Variants in SIK3 observed in about 807,000 individuals in gnomAD.
The protein encoded by SIK3 is serine/threonine-protein kinase SIK3.
SIK3 carries 28 observed loss-of-function variants against 144.2 expected under a neutral mutation model. That is an observed-to-expected ratio of 0.19 (90% CI 0.14 to 0.27). The LOEUF is 0.27. Among genes scored for constraint, SIK3 ranks in the 10% least tolerant of loss-of-function variants. The pLI, the probability that SIK3 is intolerant of heterozygous loss-of-function variation, is 1.00. For synonymous variants in SIK3, 686 were observed against 676.3 expected (o/e 1.01, Z -0.22); for missense variants, 1,319 against 1,776.0 (o/e 0.74, Z 4.62).
At chr11:116,932,973 G>A (rs1490429055) in intron 3 of SIK3, among the ~76,000 whole-genome samples, 1 of 151,948 alleles carries the variant, frequency 6.6e-6, no homozygotes, top group Admixed American at 6.6e-5. Flanking sequence ...GTTTCACCAA[G>A]TTGACCAAGC....
At chr11:116,903,383 G>A (rs1945840052) in intron 4 of SIK3, among the ~76,000 whole-genome samples, 1 of 152,118 alleles carries the variant, frequency 6.6e-6, no homozygotes, top group African/African-American at 2.4e-5. Flanking sequence ...ATGGAGGTGG[G>A]GAACAGATAG....
In SIK3 at chr11:116,921,010, C is replaced by T. The variant is rs140515304; in HGVS notation, c.616+6209G>A. ...AGCTGTTAAGGATACTATCATCCAG[C>T]GATGCCGGCTCCATGCTGAGTGAGC... is the stretch of plus-strand genomic sequence containing the variant. On this transcript the variant is annotated intron_variant, in intron 4 of 24. Coordinates refer to ENST00000445177, the MANE Select transcript of SIK3 (RefSeq NM_001366686.3). Among the ~76,000 whole-genome samples the T allele has an allele frequency of 3.6e-3, 554 of 152,310 alleles. 3 individuals carry two copies. Among genetic ancestry groups the T allele is most frequent in the African/African-American group, 0.013 (531 of 41,570 alleles).
At chr11:116,964,797 G>T (rs539379487) in intron 1 of SIK3, among the ~76,000 whole-genome samples, 1 of 152,070 alleles carries the variant, frequency 6.6e-6, no homozygotes, top group South Asian at 2.1e-4. Flanking sequence ...AGGGAGAATC[G>T]CTTGAACCCA....
rs1234587781 is a variant in SIK3 at position 117,026,290 on chromosome 11, G to A, written c.274-69226C>T. ...CAGACCATACCACATAGCCCTAGGTGGGTAGTAGGCTATACCATCTAGGTC... is the reference window on the plus strand; with the variant it reads ...CAGACCATACCACATAGCCCTAGGTAGGTAGTAGGCTATACCATCTAGGTC... On this transcript the variant is annotated intron_variant, in intron 1 of 24. Coordinates refer to ENST00000445177, the MANE Select transcript of SIK3 (RefSeq NM_001366686.3). Among the ~76,000 whole-genome samples the A allele has an allele frequency of 3.3e-5, 5 of 152,130 alleles. No individual in the cohort carries two copies. The East Asian group carries it at 9.6e-4, about 29-fold the overall frequency.
intron 1 of SIK3, among the ~76,000 whole-genome samples, chr11:116,971,118 T>C (rs985101659): frequency 1.3e-5 from 2 of 152,254 alleles, no homozygotes; most frequent in African/African-American, 4.8e-5. Flanking sequence ...CCTTGGCATT[T>C]GCTAATATTT....
rs770150766 is a variant in SIK3, at chr11:116,859,279, A to G, written c.2751T>C (p.Ser917=). The change falls in exon 20 of 25, where the codon AGT becomes AGC. Residue 917 remains serine (S), a synonymous_variant. Coordinates refer to ENST00000445177, the MANE Select transcript of SIK3 (RefSeq NM_001366686.3). ...GGCGGTCTTACCTGTGAGCCTCTGCACTGTCAGCACTCAGCTGCTTGGACA... is the reference window on the plus strand; with the variant it reads ...GGCGGTCTTACCTGTGAGCCTCTGCGCTGTCAGCACTCAGCTGCTTGGACA... ...RPLSKQLSAD[S]AEAHSLNVNR... 1.6e-5 allele frequency: 26 copies of G among 1,608,098 alleles called. No individual in the cohort carries two copies. Among genetic ancestry groups the G allele is most frequent in the African/African-American group, 2.7e-5 (2 of 74,804 alleles).
At chr11:117,085,787 C>T (rs1954977705) in intron 1 of SIK3, among the ~76,000 whole-genome samples, 1 of 152,050 alleles carries the variant, frequency 6.6e-6, no homozygotes, top group African/African-American at 2.4e-5. Flanking sequence ...GAATTCGAGA[C>T]CATCCTGGCC....
intron 1 of SIK3, among the ~76,000 whole-genome samples, chr11:116,978,536 C>T (rs1279671836): frequency 1.3e-5 from 2 of 151,966 alleles, no homozygotes; most frequent in East Asian, 3.9e-4. Flanking sequence ...CAGGGTCTCA[C>T]AATGATGTAC....
intron 1 of SIK3, among the ~76,000 whole-genome samples, chr11:117,096,787 G>A (rs987384442): frequency 1.3e-5 from 2 of 152,122 alleles, no homozygotes; most frequent in Non-Finnish European, 2.9e-5. Flanking sequence ...GTGATCAGGA[G>A]AGAAGGCCTA....
rs890339082 is a variant in SIK3 at position 116,844,410 on chromosome 11, AATG to A, written c.*1230_*1232del. ...ATTCCTTTTCTCTTTATTTATTAAT[AATG>A]ATAATAACAATAATATCAACATTTA... On this transcript the variant is annotated 3_prime_UTR_variant, in exon 25 of 25. Coordinates refer to ENST00000445177, the MANE Select transcript of SIK3 (RefSeq NM_001366686.3). The A allele has an allele frequency of 4.6e-5, 7 of 151,510 alleles. No homozygotes were observed. The highest frequency in any genetic ancestry group is 1.7e-4 in the African/African-American group (7 of 41,280). 9.4% of individuals were successfully genotyped at this position (151,510 alleles called of 1,614,324 possible).
At chr11:117,010,790 G>A (rs1951219717) in intron 1 of SIK3, among the ~76,000 whole-genome samples, 1 of 152,092 alleles carries the variant, frequency 6.6e-6, no homozygotes, top group African/African-American at 2.4e-5. Context: ...ATGTATAAAT[G>A]TACATATACA....
chr11:116,960,575 G>A (rs1174657776), intron 1 of SIK3, among the ~76,000 whole-genome samples: 1 of 152,140 alleles, frequency 6.6e-6, no homozygotes, highest in Non-Finnish European at 1.5e-5. Flanking sequence ...TTATTTAGCA[G>A]TTGAATATAG....
At chr11:117,023,652 C>T (rs954477664) in intron 1 of SIK3, among the ~76,000 whole-genome samples, 63 of 134,698 alleles carry the variant, frequency 4.7e-4, no homozygotes, top group African/African-American at 1.8e-3. Flanking sequence ...ATATTGCACA[C>T]TGCACTATGC....
intron 1 of SIK3, among the ~76,000 whole-genome samples, chr11:117,017,463 A>C (rs910775154): frequency 2.0e-5 from 3 of 152,222 alleles, no homozygotes; most frequent in Non-Finnish European, 4.4e-5. Context: ...TTTCTTTCAA[A>C]ACAAAAAGGT....
intron 1 of SIK3, among the ~76,000 whole-genome samples, chr11:117,081,408 G>A (rs571097002): frequency 1.7e-4 from 26 of 152,284 alleles, no homozygotes; most frequent in African/African-American, 3.8e-4. Context: ...CGGATCACAA[G>A]GTCAGGAGAT....
chr11:116,938,970 G>A (rs1388772767), intron 3 of SIK3, among the ~76,000 whole-genome samples: 1 of 152,096 alleles, frequency 6.6e-6, no homozygotes, highest in Non-Finnish European at 1.5e-5. Flanking sequence ...AGATTGCAGA[G>A]AACCAATTCA....
chr11:117,098,179 C>T lies in SIK3; in HGVS notation c.237G>A (p.Val79=), dbSNP rs1305944943. ...DRTIGKGNFA[V]VKRATHLVTK... ...TGACGAGGTGCGTGGCCCGCTTGAC[C>T]ACCGCGAAGTTGCCCTTGCCGATGG... Residue 79 remains valine, a synonymous_variant, in exon 1 of 25, where the codon GTG becomes GTA. Coordinates refer to ENST00000445177, the MANE Select transcript of SIK3 (RefSeq NM_001366686.3). 2 of 1,521,530 alleles carry T rather than the reference C, an allele frequency of 1.3e-6. No individual in the cohort carries two copies. The highest frequency in any genetic ancestry group is 2.8e-5 in the East Asian group (1 of 35,720). 94.3% of individuals were successfully genotyped at this position (1,521,530 alleles called of 1,614,324 possible). A position where few individuals can be genotyped will look rare whatever the true frequency, so the allele number is the denominator to read the frequency against.
At chr11:116,852,213 T>C (rs1276129010) in intron 21 of SIK3, among the ~76,000 whole-genome samples, 1 of 152,210 alleles carries the variant, frequency 6.6e-6, no homozygotes, top group African/African-American at 2.4e-5. Flanking sequence ...TAAGGCTCTT[T>C]TCCTTCCCTC....
chr11:116,938,375 AGGG>A lies in SIK3; in HGVS notation c.455-10998_455-10996del, dbSNP rs1402965488. On this transcript the variant is annotated intron_variant, in intron 3 of 24. Transcript: ENST00000445177. ...AGGGGAGGGGAGGGGAGGGGAGGGG[AGGG>A]GAGGAGAGGAGAGGAGAGGAGAAGG... 5.7e-3 allele frequency among the ~76,000 whole-genome samples: 95 copies of A among 16,798 alleles called. 15 individuals carry two copies. Among genetic ancestry groups the A allele is most frequent in the African/African-American group, 0.014 (43 of 3,010 alleles). 11.0% of individuals were successfully genotyped at this position (16,798 alleles called of 152,430 possible).
Sources: gnomAD v4.1 joint callset for allele counts (sites outside exome capture counted in the v4.1 genomes callset) on GRCh38, gnomAD v4.1.1 for gene constraint, MANE v1.5 for transcripts, NCBI Gene and HGNC (gene_info 2026-07-23, HGNC 2026-07-21) for gene names.